MPPED2: variants seen among roughly 807,000 people sequenced by gnomAD.
MPPED2 encodes metallophosphoesterase domain containing 2.
A neutral mutation model predicts 33.0 loss-of-function variants in MPPED2; 5 were observed. That is an observed-to-expected ratio of 0.15 (90% CI 0.08 to 0.32). MPPED2 has a LOEUF of 0.32. MPPED2 is among the 10% of genes least tolerant of loss of function. The probability of loss-of-function intolerance (pLI) is 1.00; values close to 1 mark genes in which losing one functional copy is unlikely to be tolerated. For missense variants in MPPED2, 275 were observed against 372.1 expected, an observed-to-expected ratio of 0.74 and a Z score of 2.15; for synonymous variants, 136 against 141.9, an observed-to-expected ratio of 0.96 and a Z score of 0.29.
intron 2 of MPPED2, among the ~76,000 whole-genome samples, chr11:30,544,077 T>C (rs1331264570): frequency 1.3e-5 from 2 of 152,216 alleles, no homozygotes; most frequent in East Asian, 3.9e-4. Context: ...ATTCAATGAA[T>C]GTTAAGTGGT....
intron 2 of MPPED2, among the ~76,000 whole-genome samples, chr11:30,560,927 G>A (rs372164161): frequency 2.6e-5 from 4 of 152,150 alleles, no homozygotes; most frequent in African/African-American, 7.2e-5. Context: ...TGATGTTAAC[G>A]TGAACCCTGG....
chr11:30,528,848 G>A (rs1461385055), intron 3 of MPPED2, among the ~76,000 whole-genome samples: 1 of 152,130 alleles, frequency 6.6e-6, no homozygotes, highest in East Asian at 1.9e-4. Context: ...AAATACTACT[G>A]AGAGTATCAT....
At chr11:30,452,923 A>G (rs1200692679) in intron 4 of MPPED2, among the ~76,000 whole-genome samples, 1 of 152,000 alleles carries the variant, frequency 6.6e-6, no homozygotes, top group African/African-American at 2.4e-5. Flanking sequence ...CTAAAGATGG[A>G]GACATTGCAG....
chr11:30,569,060 C>A (rs1956575660), intron 2 of MPPED2, among the ~76,000 whole-genome samples: 1 of 152,070 alleles, frequency 6.6e-6, no homozygotes, highest in African/African-American at 2.4e-5. Context: ...ACAATCTGAG[C>A]AGTAAAGGTC....
At chr11:30,572,352 G>A (rs1356827792) in intron 2 of MPPED2, among the ~76,000 whole-genome samples, 1 of 152,134 alleles carries the variant, frequency 6.6e-6, no homozygotes, top group Non-Finnish European at 1.5e-5. Context: ...GAAAAAGTCA[G>A]CTCTAAAATG....
intron 5 of MPPED2, 28 bp from the exon 6 acceptor site, chr11:30,414,369 T>A: frequency 7.1e-7 from 1 of 1,404,940 alleles, no homozygotes; most frequent in Non-Finnish European, 1.0e-6. Flanking sequence ...TCAATACACT[T>A]AATTTTCTTT....
chr11:30,500,407 T>C (rs1952502102), intron 3 of MPPED2, among the ~76,000 whole-genome samples: 2 of 152,200 alleles, frequency 1.3e-5, no homozygotes, highest in South Asian at 4.1e-4. Context: ...TATGTAATAG[T>C]TTCTTACTGT....
intron 3 of MPPED2, among the ~76,000 whole-genome samples, chr11:30,505,843 C>T (rs1210597653): frequency 1.3e-5 from 2 of 151,324 alleles, no homozygotes; most frequent in Non-Finnish European, 3.0e-5. Context: ...GATCAAGTTC[C>T]TGCTTCTGTC....
chr11:30,517,182 C>T (rs1191341539), intron 3 of MPPED2, among the ~76,000 whole-genome samples: 3 of 152,164 alleles, frequency 2.0e-5, no homozygotes, highest in Admixed American at 1.3e-4. Context: ...TCTTAAGCTG[C>T]TATCCCCCCA....
intron 4 of MPPED2, among the ~76,000 whole-genome samples, chr11:30,494,757 A>AAAAAAAAAAAAG (rs768924251): frequency 7.1e-4 from 86 of 120,744 alleles, no homozygotes; most frequent in South Asian, 1.4e-3. Context: ...AAAAAAAAAA[A>AAAAAAAAAAAAG]AAAGAAAGAA....
chr11:30,486,895 G>A (rs768367574), intron 4 of MPPED2, among the ~76,000 whole-genome samples: 19 of 152,158 alleles, frequency 1.2e-4, no homozygotes, highest in Non-Finnish European at 2.4e-4. Flanking sequence ...GACTGTGCCT[G>A]ATCTTGTATT....
intron 2 of MPPED2, among the ~76,000 whole-genome samples, chr11:30,549,586 G>A (rs1955601354): frequency 6.6e-6 from 1 of 152,152 alleles, no homozygotes; most frequent in African/African-American, 2.4e-5. Flanking sequence ...TCTGTTAAGA[G>A]CAATGATGGA....
chr11:30,414,189 G>T, intron 6 of MPPED2, 39 bp downstream of exon 6: 1 of 1,416,298 alleles, frequency 7.1e-7, no homozygotes. Flanking sequence ...TAGTGGACAG[G>T]GGCACAAAAT....
chr11:30,500,845 C>CGAATGTTGAGTAAGTGAAGGAG, intron 3 of MPPED2, among the ~76,000 whole-genome samples: 1 of 152,206 alleles, frequency 6.6e-6, no homozygotes, highest in East Asian at 1.9e-4. Context: ...AGTGAAGGAA[C>CGAATGTTGAGTAAGTGAAGGAG]GAATGAACCT....
chr11:30,441,740 T>G (rs541660833), intron 4 of MPPED2, among the ~76,000 whole-genome samples: 1 of 151,110 alleles, frequency 6.6e-6, no homozygotes, highest in South Asian at 2.1e-4. Flanking sequence ...CTCTTGCCCC[T>G]TTTTTTTTGC....
chr11:30,406,778 C>G (rs1397418448), downstream of MPPED2, among the ~76,000 whole-genome samples: 9 of 152,234 alleles, frequency 5.9e-5, no homozygotes, highest in Admixed American at 5.9e-4. Flanking sequence ...GAACCTTCCC[C>G]ACAAGCAATT....
exon 7 of MPPED2, chr11:30,388,940 G>C: frequency 6.4e-7 from 1 of 1,564,594 alleles, no homozygotes; most frequent in Non-Finnish European, 8.7e-7. Flanking sequence ...GTGCCTTGGA[G>C]ATGCTCACAG....
intron 6 of MPPED2, among the ~76,000 whole-genome samples, chr11:30,391,562 CT>C (rs1947776520): frequency 6.6e-6 from 1 of 152,122 alleles, no homozygotes; most frequent in South Asian, 2.1e-4. Flanking sequence ...CCTCAATTTC[CT>C]TCTCTGTAAA....
chr11:30,502,120 T>A (rs2134248767), intron 3 of MPPED2, among the ~76,000 whole-genome samples: 1 of 152,314 alleles, frequency 6.6e-6, no homozygotes, highest in Admixed American at 6.5e-5. Flanking sequence ...ATTTTATGGA[T>A]GAAGAAACTG....
Sources: allele counts gnomAD v4.1 joint callset (sites outside exome capture counted in the v4.1 genomes callset), GRCh38; gene constraint gnomAD v4.1.1; transcripts MANE v1.5; gene names NCBI Gene and HGNC (gene_info 2026-07-23, HGNC 2026-07-21).